UXS1: variants seen among roughly 807,000 people sequenced by gnomAD.
UXS1 encodes UDP-glucuronic acid decarboxylase 1.
In UXS1, 33 loss-of-function variants were observed where a neutral mutation model predicts 62.6. The ratio of observed to expected loss-of-function variants is 0.53; its 90% CI spans 0.40 to 0.70. UXS1 has a LOEUF of 0.70. UXS1 is among the 30% of genes least tolerant of loss of function. The probability of loss-of-function intolerance (pLI) is 0.00; values close to 1 mark genes in which losing one functional copy is unlikely to be tolerated. For missense variants in UXS1, 434 were observed against 556.3 expected (o/e 0.78, Z 2.21); for synonymous variants, 213 against 206.8 (o/e 1.03, Z -0.26).
At chr2:106,164,447 T>C (rs1409912184) in intron 3 of UXS1, among the ~76,000 whole-genome samples, 1 of 152,168 alleles carries the variant, frequency 6.6e-6, no homozygotes, top group African/African-American at 2.4e-5. Flanking sequence ...CTCATCTCTA[T>C]CTCCCAAAGG....
At chr2:106,146,772 C>CAAAAAAAAAAAA (rs55896853) in intron 5 of UXS1, among the ~76,000 whole-genome samples, 1 of 45,230 alleles carries the variant, frequency 2.2e-5, no homozygotes, top group Non-Finnish European at 4.2e-5. Flanking sequence ...GACTCCATCT[C>CAAAAAAAAAAAA]AAAAAAAAAA....
intron 5 of UXS1, among the ~76,000 whole-genome samples, chr2:106,146,997 A>T (rs941988784): frequency 6.6e-6 from 1 of 152,144 alleles, no homozygotes; most frequent in Middle Eastern, 3.4e-3. Flanking sequence ...TACTAAAAAT[A>T]CAAAAATTAG....
intron 7 of UXS1, among the ~76,000 whole-genome samples, chr2:106,127,751 G>A (rs1680083558): frequency 1.3e-5 from 2 of 152,144 alleles, no homozygotes; most frequent in Non-Finnish European, 2.9e-5. Context: ...GTCCAATTTG[G>A]GTTTCTTTCC....
intron 1 of UXS1, among the ~76,000 whole-genome samples, chr2:106,184,859 T>C (rs896913678): frequency 2.0e-5 from 3 of 152,064 alleles, no homozygotes; most frequent in Admixed American, 6.5e-5. Flanking sequence ...CTACAAAAGG[T>C]AGGCAGCTCA....
rs11892918 is a variant in UXS1, at chr2:106,122,114, A to G, written c.759+856T>C. Among the ~76,000 whole-genome samples the G allele has an allele frequency of 3.2e-3, 495 of 152,326 alleles. 4 individuals carry two copies. The highest frequency in any genetic ancestry group is 0.011 in the African/African-American group (477 of 41,568). Reference sequence around the variant, plus strand: ...CAGACTGGGCCCTGGGCCTGACAGCATTGCTCCCAGAAACAGACACTGCAT... The same window carrying G: ...CAGACTGGGCCCTGGGCCTGACAGCGTTGCTCCCAGAAACAGACACTGCAT... On this transcript the variant is annotated intron_variant, in intron 9 of 14. Coordinates refer to ENST00000283148, the MANE Select transcript of UXS1 (RefSeq NM_001253875.2).
intron 2 of UXS1, 100 bp downstream of exon 2, chr2:106,165,956 A>C: frequency 2.5e-6 from 3 of 1,202,910 alleles, no homozygotes; most frequent in Non-Finnish European, 2.3e-6. Flanking sequence ...TGTTTTAAAA[A>C]TATTTTTCAA....
intron 13 of UXS1, 136 bp from the exon 14 acceptor site, chr2:106,096,957 A>G (rs1186918490): frequency 2.3e-6 from 2 of 876,438 alleles, no homozygotes; most frequent in Non-Finnish European, 3.7e-6. Context: ...GTTCTCTGAG[A>G]AGCCCCGGAG....
intron 1 of UXS1, among the ~76,000 whole-genome samples, chr2:106,171,922 T>G (rs1683587114): frequency 6.6e-6 from 1 of 152,242 alleles, no homozygotes; most frequent in Non-Finnish European, 1.5e-5. Flanking sequence ...TTCTTTATAG[T>G]ATGACATCCT....
intron 6 of UXS1, among the ~76,000 whole-genome samples, chr2:106,137,429 G>C (rs2104967280): frequency 6.6e-6 from 1 of 152,246 alleles, no homozygotes; most frequent in Non-Finnish European, 1.5e-5. Flanking sequence ...CAGGCACTGT[G>C]CTGCCTCCTC....
At chr2:106,161,282 T>C (rs1682878868) in intron 4 of UXS1, among the ~76,000 whole-genome samples, 1 of 152,138 alleles carries the variant, frequency 6.6e-6, no homozygotes, top group Non-Finnish European at 1.5e-5. Flanking sequence ...AGCCTTGTAT[T>C]TCTTGTAGAG....
chr2:106,105,682 G>A (rs1677999542), intron 10 of UXS1, among the ~76,000 whole-genome samples: 1 of 152,228 alleles, frequency 6.6e-6, no homozygotes, highest in Non-Finnish European at 1.5e-5. Context: ...GATGTGAGGT[G>A]CGATACCAGC....
intron 1 of UXS1, among the ~76,000 whole-genome samples, chr2:106,188,334 G>A (rs1418097574): frequency 6.6e-6 from 1 of 152,160 alleles, no homozygotes; most frequent in Non-Finnish European, 1.5e-5. Flanking sequence ...GCACGGACGT[G>A]GGCGGGCAGT....
intron 9 of UXS1, among the ~76,000 whole-genome samples, chr2:106,117,724 T>C (rs969739084): frequency 5.3e-5 from 8 of 152,138 alleles, no homozygotes; most frequent in Non-Finnish European, 1.2e-4. Context: ...CTCAGAGAAG[T>C]ATATGCACAT....
At chr2:106,147,687 T>C (rs1681683908) in intron 5 of UXS1, among the ~76,000 whole-genome samples, 1 of 152,210 alleles carries the variant, frequency 6.6e-6, no homozygotes, top group African/African-American at 2.4e-5. Flanking sequence ...AAAAGCCCTA[T>C]ATATTGATTT....
intron 1 of UXS1, chr2:106,183,739 C>CA (rs1684389943): frequency 6.6e-6 from 1 of 152,120 alleles, no homozygotes; most frequent in African/African-American, 2.4e-5. Flanking sequence ...GTTATCAGCT[C>CA]TTTAGAGAAA....
chr2:106,155,099 C>A (rs2105029767), intron 5 of UXS1, among the ~76,000 whole-genome samples: 1 of 152,216 alleles, frequency 6.6e-6, no homozygotes, highest in Non-Finnish European at 1.5e-5. Context: ...GGGGTGTGCA[C>A]CAAGCCATTC....
chr2:106,110,131 C>A lies in UXS1; in HGVS notation c.879+2515G>T, dbSNP rs950707527. Among the ~76,000 whole-genome samples the A allele has an allele frequency of 2.0e-5, 3 of 152,178 alleles. No individual in the cohort carries two copies. The South Asian group carries it at 6.2e-4, about 32-fold the overall frequency. ...CAAATTCTTGCTGGGAAATAGAATT[C>A]TGTGTGACAAAGGAAACAAAACACA... On this transcript the variant is annotated intron_variant, in intron 10 of 14. Transcript: ENST00000283148.
rs60493984 is a variant in UXS1, at chr2:106,143,408, C to CAAAAAAAAAAAAAAAAAA, written c.472+1764_472+1781dup. On this transcript the variant is annotated intron_variant, in intron 6 of 14. Coordinates refer to ENST00000283148, the MANE Select transcript of UXS1 (RefSeq NM_001253875.2). Reference sequence around the variant, plus strand: ...TGGGCAACAGAGAGAGACTCCGTCTCAAAAAAAAAAAAAAAAAAAAAAAAA... The same window carrying CAAAAAAAAAAAAAAAAAA: ...TGGGCAACAGAGAGAGACTCCGTCTCAAAAAAAAAAAAAAAAAAAAAAAAAAAAAAAAAAAAAAAAAAA... 8.5e-4 allele frequency among the ~76,000 whole-genome samples: 33 copies of CAAAAAAAAAAAAAAAAAA among 38,654 alleles called. 4 individuals carry two copies. The highest frequency in any genetic ancestry group is 1.1e-3 in the Non-Finnish European group (25 of 22,888). The allele number at this position is 38,654 out of a possible 152,430, so 25.4% of individuals were successfully genotyped here. A position where few individuals can be genotyped will look rare whatever the true frequency, so the allele number is the denominator to read the frequency against.
intron 1 of UXS1, chr2:106,183,636 C>T (rs1255339326): frequency 2.0e-5 from 3 of 152,216 alleles, no homozygotes; most frequent in African/African-American, 7.2e-5. Flanking sequence ...CTGGCCGTCA[C>T]TGCCCTTCCT....
Sources: gnomAD v4.1 joint callset for allele counts (sites outside exome capture counted in the v4.1 genomes callset) on GRCh38, gnomAD v4.1.1 for gene constraint, MANE v1.5 for transcripts, NCBI Gene and HGNC (gene_info 2026-07-23, HGNC 2026-07-21) for gene names.